Variants in PTPRK observed in about 807,000 individuals in gnomAD.
The protein encoded by PTPRK is receptor-type tyrosine-protein phosphatase kappa.
In PTPRK, 75 loss-of-function variants were observed where a neutral mutation model predicts 178.0. The observed-to-expected ratio is 0.42, with a 90% CI of 0.35 to 0.51. The LOEUF (loss-of-function observed/expected upper bound fraction) is 0.51, where lower values mean the gene tolerates loss of function less well. Among genes scored for constraint, PTPRK ranks in the 20% least tolerant of loss-of-function variants. The probability of loss-of-function intolerance (pLI) is 0.02; values close to 1 mark genes in which losing one functional copy is unlikely to be tolerated. For synonymous variants in PTPRK, 637 were observed against 620.6 expected, an observed-to-expected ratio of 1.03 and a Z score of -0.39; for missense variants, 1,441 against 1,797.8, an observed-to-expected ratio of 0.80 and a Z score of 3.59.
chr6:128,110,190 C>A (rs1421511998), intron 7 of PTPRK, among the ~76,000 whole-genome samples: 1 of 152,086 alleles, frequency 6.6e-6, no homozygotes, highest in Non-Finnish European at 1.5e-5. Context: ...TCCAAAAATG[C>A]TAGGATTACA....
chr6:128,180,643 G>C (rs1437202142), intron 7 of PTPRK, among the ~76,000 whole-genome samples: 1 of 152,012 alleles, frequency 6.6e-6, no homozygotes, highest in African/African-American at 2.4e-5. Context: ...GATATTTTCA[G>C]AAAAGGATAA....
chr6:128,075,413 C>T lies in PTPRK; in HGVS notation c.1883+3400G>A, dbSNP rs111799797. ...TCCAGCTTCAGCTGCTGTCAATTCT[C>T]CCACAGACCCTTCACTCTCCATGAC... On this transcript the variant is annotated intron_variant, in intron 11 of 29. Transcript: ENST00000368226. Among the ~76,000 whole-genome samples, 1,462 of 152,124 alleles carry T rather than the reference C, an allele frequency of 9.6e-3. 21 individuals carry two copies. The highest frequency in any genetic ancestry group is 0.034 in the African/African-American group (1,396 of 41,532).
chr6:128,267,365 C>T (rs1416990887), intron 3 of PTPRK, among the ~76,000 whole-genome samples: 1 of 152,036 alleles, frequency 6.6e-6, no homozygotes, highest in Admixed American at 6.6e-5. Context: ...ACTGCTGTAT[C>T]ATTTAAAACC....
intron 13 of PTPRK, chr6:128,062,104 T>TC (rs1487889534): frequency 6.6e-6 from 1 of 152,482 alleles, no homozygotes; most frequent in Non-Finnish European, 1.5e-5. Context: ...TTGAAAAATT[T>TC]CACACCAAAG....
At position 127,969,192 on chromosome 6, in the gene PTPRK, T is replaced by A. The variant is rs1431934269; in HGVS notation, c.*1035A>T. ...CTGAAAAACTCCATTCCTTTAAAAT[T>A]TAAATGATGCTTAAAGGCTATGTTC... On this transcript the variant is annotated 3_prime_UTR_variant, in exon 30 of 30. Transcript: ENST00000368226. 6.6e-6 allele frequency: 1 copy of A among 152,218 alleles called. No individual in the cohort carries two copies. Among genetic ancestry groups the A allele is most frequent in the Non-Finnish European group, 1.5e-5 (1 of 68,030 alleles). The allele number at this position is 152,218 out of a possible 1,614,324, so 9.4% of individuals were successfully genotyped here. A position where few individuals can be genotyped will look rare whatever the true frequency, so the allele number is the denominator to read the frequency against.
At chr6:128,449,276 G>A (rs1391133192) in intron 1 of PTPRK, among the ~76,000 whole-genome samples, 3 of 152,140 alleles carry the variant, frequency 2.0e-5, no homozygotes, top group Admixed American at 6.6e-5. Context: ...CATTGAAAAA[G>A]AGACTTATTT....
At chr6:128,453,226 A>G (rs1405926292) in intron 1 of PTPRK, among the ~76,000 whole-genome samples, 1 of 152,214 alleles carries the variant, frequency 6.6e-6, no homozygotes, top group Non-Finnish European at 1.5e-5. Context: ...ATGGAAATAG[A>G]CAAATCTACA....
chr6:127,979,295 A>G (rs987668538), intron 25 of PTPRK, among the ~76,000 whole-genome samples: 1 of 152,200 alleles, frequency 6.6e-6, no homozygotes, highest in Admixed American at 6.5e-5. Context: ...AGAAAAAAGA[A>G]AAGAAAAGGA....
At chr6:128,189,352 G>A (rs1029596889) in intron 6 of PTPRK, among the ~76,000 whole-genome samples, 2 of 143,602 alleles carry the variant, frequency 1.4e-5, no homozygotes, top group Non-Finnish European at 3.0e-5. Context: ...CTACTCTCCT[G>A]CCTCAGCCTC....
chr6:128,243,156 C>T (rs199727679), intron 3 of PTPRK, among the ~76,000 whole-genome samples: 1 of 151,834 alleles, frequency 6.6e-6, no homozygotes, highest in Non-Finnish European at 1.5e-5. Context: ...TCTATGGCTA[C>T]AAAGGCTCAA....
chr6:128,242,606 T>C lies in PTPRK; in HGVS notation c.496-4A>G. The C allele has an allele frequency of 6.2e-7, 1 of 1,610,926 alleles. No individual in the cohort carries two copies. The highest frequency in any genetic ancestry group is 1.1e-5 in the South Asian group (1 of 90,540). ...AGACTTCAGCTTCAAATATTACCTG[T>C]CAAAAAGAAACAGAAAATATTTACA... is the stretch of plus-strand genomic sequence containing the variant. On this transcript the variant is annotated splice_polypyrimidine_tract_variant and splice_region_variant and intron_variant, in intron 3 of 29. Transcript: ENST00000368226.
At chr6:127,990,909 G>T (rs1191023141) in intron 20 of PTPRK, 24 bp from the exon 21 acceptor site, 8 of 1,352,890 alleles carry the variant, frequency 5.9e-6, no homozygotes, top group Non-Finnish European at 8.5e-6. Context: ...AGAATATATA[G>T]ACAGACCTGA....
At chr6:128,032,289 T>C (rs189112644) in intron 13 of PTPRK, among the ~76,000 whole-genome samples, 92 of 152,306 alleles carry the variant, frequency 6.0e-4, no homozygotes, top group Middle Eastern at 3.4e-3. Context: ...CTGGGCTCTA[T>C]GCTGTGTTTT....
In PTPRK at chr6:127,982,832, T is replaced by C; in HGVS notation, c.3536A>G (p.Gln1179Arg). 6.2e-7 allele frequency: 1 copy of C among 1,605,782 alleles called. No homozygotes were observed. Among genetic ancestry groups the C allele is most frequent in the Non-Finnish European group, 8.5e-7 (1 of 1,175,680 alleles). Residue 1179 changes from glutamine to arginine, a missense_variant and splice_region_variant, in exon 24 of 30, where the codon CAG becomes CGG. By Grantham distance (43) the Gln-to-Arg change is conservative. Coordinates refer to ENST00000368226, the MANE Select transcript of PTPRK (RefSeq NM_002844.4). ...AGAGGTTTTAGAAATAGTTAATACC[T>C]GAAATTCATCCTTGAGATGTGAAGA... ...TNSSHLKDEF[Q>R]TLNSVTPRLQ... is the part of the protein sequence containing the mutation.
chr6:128,350,040 G>C (rs754465051), intron 2 of PTPRK, among the ~76,000 whole-genome samples: 3 of 152,128 alleles, frequency 2.0e-5, no homozygotes, highest in Non-Finnish European at 2.9e-5. Flanking sequence ...GCAGCACTGA[G>C]AGGCAATCAT....
intron 1 of PTPRK, among the ~76,000 whole-genome samples, chr6:128,474,844 C>T (rs1851176828): frequency 6.6e-6 from 1 of 152,106 alleles, no homozygotes; most frequent in African/African-American, 2.4e-5. Flanking sequence ...TGATGCCATA[C>T]AATGTAATAA....
At chr6:128,333,904 G>C (rs920725543) in intron 2 of PTPRK, among the ~76,000 whole-genome samples, 2 of 152,140 alleles carry the variant, frequency 1.3e-5, no homozygotes, top group Non-Finnish European at 2.9e-5. Flanking sequence ...TTTAAAGTGA[G>C]AGACCTGCAG....
At chr6:128,341,953 G>T (rs1831718260) in intron 2 of PTPRK, among the ~76,000 whole-genome samples, 1 of 152,188 alleles carries the variant, frequency 6.6e-6, no homozygotes, top group Non-Finnish European at 1.5e-5. Context: ...ACAATGGAAG[G>T]CATAAGAAGG....
intron 3 of PTPRK, among the ~76,000 whole-genome samples, chr6:128,317,670 T>C (rs1179090688): frequency 6.6e-6 from 1 of 152,170 alleles, no homozygotes; most frequent in Non-Finnish European, 1.5e-5. Context: ...GGACCCAGGC[T>C]CCTTGAATGC....
Sources: allele counts gnomAD v4.1 joint callset (sites outside exome capture counted in the v4.1 genomes callset), GRCh38; gene constraint gnomAD v4.1.1; transcripts MANE v1.5; gene names NCBI Gene and HGNC (gene_info 2026-07-23, HGNC 2026-07-21).